ANAPC16: variants seen among roughly 807,000 people sequenced by gnomAD.
The protein encoded by ANAPC16 is anaphase promoting complex subunit 16.
Under a neutral mutation model 13.1 loss-of-function variants are expected in ANAPC16, and 6 were observed. The observed-to-expected ratio is 0.46, with a 90% CI of 0.25 to 0.90. ANAPC16 has a LOEUF of 0.90. Among genes scored for constraint, ANAPC16 ranks in the 40% least tolerant of loss-of-function variants. The pLI is 0.18. For synonymous variants in ANAPC16, 55 were observed against 51.3 expected (o/e 1.07, Z -0.31); for missense variants, 113 against 131.1 (o/e 0.86, Z 0.67).
At chr10:72,228,292 T>C (rs1860189040) in intron 2 of ANAPC16, among the ~76,000 whole-genome samples, 1 of 152,152 alleles carries the variant, frequency 6.6e-6, no homozygotes, top group African/African-American at 2.4e-5. Flanking sequence ...CTCCTGCCCT[T>C]GGCCAAAATT....
chr10:72,232,894 A>G (rs531974374), intron 3 of ANAPC16, 107 bp from the exon 4 acceptor site: 1 of 898,580 alleles, frequency 1.1e-6, no homozygotes, highest in South Asian at 1.5e-5. Context: ...GTGATCCACC[A>G]CACCCGGCCT....
At position 72,218,166 on chromosome 10, in the gene ANAPC16, ATATATATATATATATATATATAT is replaced by A. The variant is rs1328171114; in HGVS notation, c.-28+2029_-28+2051del. Among the ~76,000 whole-genome samples the A allele has an allele frequency of 9.7e-3, 197 of 20,350 alleles. 26 individuals carry two copies. The highest frequency in any genetic ancestry group is 0.04 in the African/African-American group (186 of 4,614). 13.4% of individuals were successfully genotyped at this position (20,350 alleles called of 152,430 possible). ...GTCTCAAAAAAAAAAAAAAAAAAAAATATATATATATATATATATATATATATATATATATATATATATATATA... is the reference window on the plus strand; with the variant it reads ...GTCTCAAAAAAAAAAAAAAAAAAAAAATATATATATATATATATATATATA... On this transcript the variant is annotated intron_variant, in intron 1 of 3. Coordinates refer to ENST00000299381, the MANE Select transcript of ANAPC16 (RefSeq NM_173473.4).
At chr10:72,218,914 G>A (rs1198230823) in intron 1 of ANAPC16, among the ~76,000 whole-genome samples, 1 of 152,150 alleles carries the variant, frequency 6.6e-6, no homozygotes, top group African/African-American at 2.4e-5. Context: ...TGAGAGTTTG[G>A]AAGAAAACAG....
intron 1 of ANAPC16, chr10:72,220,360 A>C (rs1003031298): frequency 6.6e-6 from 1 of 151,144 alleles, no homozygotes; most frequent in Admixed American, 6.6e-5. Flanking sequence ...AAAAGAAAAC[A>C]TAAGTTTCAG....
At chr10:72,230,714 G>A (rs1860271008) in intron 3 of ANAPC16, among the ~76,000 whole-genome samples, 1 of 152,060 alleles carries the variant, frequency 6.6e-6, no homozygotes, top group African/African-American at 2.4e-5. Flanking sequence ...GGCCAACATG[G>A]TGAAACTGCA....
chr10:72,221,726 ATTTTTT>A (rs58310763), intron 1 of ANAPC16, among the ~76,000 whole-genome samples: 19 of 101,074 alleles, frequency 1.9e-4, no homozygotes, highest in Non-Finnish European at 3.8e-4. Context: ...ACCCAGCTAA[ATTTTTT>A]TTTTTTTTTT....
chr10:72,235,164 T>C lies in ANAPC16; in HGVS notation c.*2048T>C, dbSNP rs1012750812. 4.3e-5 allele frequency: 6 copies of C among 139,128 alleles called. No individual in the cohort carries two copies. Among genetic ancestry groups the C allele is most frequent in the African/African-American group, 8.3e-5 (3 of 36,010 alleles). The allele number at this position is 139,128 out of a possible 1,614,324, so 8.6% of individuals were successfully genotyped here. A position where few individuals can be genotyped will look rare whatever the true frequency, so the allele number is the denominator to read the frequency against. On this transcript the variant is annotated 3_prime_UTR_variant, in exon 4 of 4. Transcript: ENST00000299381. The stretch of plus-strand genomic sequence containing the variant: ...AGACTCTGTCTCAAAAAAAAAAAAA[T>C]AAAGCCGGGCGTGGTGGCTCACGCC...
chr10:72,219,318 C>G (rs936164920), intron 1 of ANAPC16, among the ~76,000 whole-genome samples: 1 of 152,176 alleles, frequency 6.6e-6, no homozygotes, highest in Non-Finnish European at 1.5e-5. Flanking sequence ...TGTATTTTGA[C>G]CCAGTGTAGT....
chr10:72,217,311 A>G (rs1447649118), intron 1 of ANAPC16, among the ~76,000 whole-genome samples: 1 of 151,830 alleles, frequency 6.6e-6, no homozygotes, highest in African/African-American at 2.4e-5. Context: ...CGTCTCTCCT[A>G]AAAAATACAA....
chr10:72,224,475 T>C (rs1860052847), intron 2 of ANAPC16, among the ~76,000 whole-genome samples: 1 of 151,964 alleles, frequency 6.6e-6, no homozygotes, highest in South Asian at 2.1e-4. Flanking sequence ...TAGCCGGGCA[T>C]GGTGGTAGGC....
chr10:72,229,030 A>G (rs945782650), intron 2 of ANAPC16, among the ~76,000 whole-genome samples: 2 of 151,112 alleles, frequency 1.3e-5, no homozygotes, highest in Non-Finnish European at 2.9e-5. Context: ...CTAATTGTCT[A>G]TGCTTTCCTC....
chr10:72,224,104 A>G (rs764883107), intron 2 of ANAPC16, 48 bp downstream of exon 2: 3 of 1,464,060 alleles, frequency 2.0e-6, no homozygotes, highest in South Asian at 2.8e-5. Flanking sequence ...TCTGCAATGC[A>G]TATTAATTGT....
In ANAPC16 at chr10:72,232,931, T is replaced by C. The variant is rs902066122; in HGVS notation, c.218-70T>C. The C allele has an allele frequency of 5.6e-5, 68 of 1,225,022 alleles. No individual in the cohort carries two copies. In the African/African-American group the frequency reaches 9.0e-4, roughly 16 times the overall value. The allele number at this position is 1,225,022 out of a possible 1,614,324, so 75.9% of individuals were successfully genotyped here. On this transcript the variant is annotated intron_variant, in intron 3 of 3. Coordinates refer to ENST00000299381, the MANE Select transcript of ANAPC16 (RefSeq NM_173473.4). ...GAAATTATTTTTATACCAGTCATCA[T>C]CTTGGTGGCTGGTGGCAGTCTCTTG...
chr10:72,233,047 G>C lies in ANAPC16; in HGVS notation c.264G>C (p.Glu88Asp), dbSNP rs750534184. Residue 88 changes from glutamate (E) to aspartate (D), a missense_variant, in exon 4 of 4, where the codon GAG (glutamate) becomes GAC (aspartate). By Grantham distance (45) the Glu-to-Asp change is conservative (BLOSUM62 2). Transcript: ENST00000299381. Reference protein sequence around the residue: ...RMEKLAGLVEELEADEWRFKP... With the variant: ...RMEKLAGLVEDLEADEWRFKP... ...AAAAACTAGCTGGTTTGGTAGAAGA[G>C]CTGGAGGCTGACGAGTGGCGGTTTA... 6.2e-7 allele frequency: 1 copy of C among 1,614,234 alleles called. No individual in the cohort carries two copies. Among genetic ancestry groups the C allele is most frequent in the Non-Finnish European group, 8.5e-7 (1 of 1,180,042 alleles).
intron 2 of ANAPC16, among the ~76,000 whole-genome samples, chr10:72,224,909 A>C (rs534477028): frequency 1.3e-5 from 2 of 152,320 alleles, no homozygotes; most frequent in African/African-American, 4.8e-5. Context: ...CATCTTGTTC[A>C]GCATCATTGG....
intron 2 of ANAPC16, among the ~76,000 whole-genome samples, chr10:72,224,348 C>T (rs559084191): frequency 1.3e-5 from 2 of 152,246 alleles, no homozygotes; most frequent in East Asian, 1.9e-4. Context: ...CACGGTGGCT[C>T]ACTCCTGTTA....
Position 72,230,420 on chromosome 10 carries a change from C to T in ANAPC16, c.197C>T (p.Thr66Met), listed in dbSNP as rs1268140357. 6 of 1,614,024 alleles carry T rather than the reference C, an allele frequency of 3.7e-6. No homozygotes were observed. Among genetic ancestry groups the T allele is most frequent in the Admixed American group, 1.7e-5 (1 of 60,022 alleles). The part of the protein sequence containing the change: ...ESVFSYQVAS[T>M]LKQVKHDQQV... ...GTTTTTAGCTATCAAGTGGCATCCA[C>T]GCTTAAACAGGTGAAACATGGTAAG... The change falls in exon 3 of 4, where the codon ACG becomes ATG. Residue 66 changes from threonine to methionine, a missense_variant. By Grantham distance (81) the Thr-to-Met change is moderately conservative. Transcript: ENST00000299381.
intron 2 of ANAPC16, among the ~76,000 whole-genome samples, chr10:72,228,865 A>G (rs1336316303): frequency 6.6e-6 from 1 of 152,194 alleles, no homozygotes; most frequent in East Asian, 1.9e-4. Flanking sequence ...CAACTTAACT[A>G]TTTTATCCTA....
chr10:72,223,861 C>T, intron 1 of ANAPC16, 27 bp from the exon 2 acceptor site: 1 of 1,464,504 alleles, frequency 6.8e-7, no homozygotes, highest in South Asian at 1.4e-5. Flanking sequence ...CATAAACTTG[C>T]CAATTGCTGT....
Sources: gnomAD v4.1 joint callset for allele counts (sites outside exome capture counted in the v4.1 genomes callset) on GRCh38, gnomAD v4.1.1 for gene constraint, MANE v1.5 for transcripts, NCBI Gene and HGNC (gene_info 2026-07-23, HGNC 2026-07-21) for gene names.